Variants in RASGEF1A observed in about 807,000 individuals in gnomAD.
RASGEF1A encodes ras-GEF domain-containing family member 1A.
A neutral mutation model predicts 56.4 loss-of-function variants in RASGEF1A; 18 were observed. That is an observed-to-expected ratio of 0.32 (90% CI 0.22 to 0.47). The LOEUF is 0.47. Ranked by LOEUF, RASGEF1A falls within the 20% of genes least tolerant of loss-of-function variation. The probability of loss-of-function intolerance (pLI) is 1.00; values close to 1 mark genes in which losing one functional copy is unlikely to be tolerated. For missense variants in RASGEF1A, 422 were observed against 627.1 expected, an observed-to-expected ratio of 0.67 and a Z score of 3.49; for synonymous variants, 245 against 242.6, an observed-to-expected ratio of 1.01 and a Z score of -0.09.
At chr10:43,247,459 A>C (rs1475792171) in intron 1 of RASGEF1A, among the ~76,000 whole-genome samples, 4 of 152,238 alleles carry the variant, frequency 2.6e-5, no homozygotes, top group African/African-American at 9.6e-5. Flanking sequence ...CTTGTGCACA[A>C]ATGTTCACAG....
rs11238497 is a variant in RASGEF1A, at chr10:43,266,937, G to A, written c.-99C>T. On this transcript the variant is annotated 5_prime_UTR_variant, in exon 1 of 13. Coordinates refer to ENST00000395810, the MANE Select transcript of RASGEF1A (RefSeq NM_145313.4). ...CCGGCGCCGGCGGCGGCTCATGCTC[G>A]GCGCCCGGGCCCGCGGCACCCGCCC... 2 of 145,686 alleles carry A rather than the reference G, an allele frequency of 1.4e-5. No individual in the cohort carries two copies. The highest frequency in any genetic ancestry group is 3.0e-5 in the Non-Finnish European group (2 of 65,616). The allele number at this position is 145,686 out of a possible 1,614,324, so 9.0% of individuals were successfully genotyped here.
intron 1 of RASGEF1A, among the ~76,000 whole-genome samples, chr10:43,261,113 C>T (rs1418880548): frequency 2.0e-5 from 3 of 152,176 alleles, no homozygotes; most frequent in Admixed American, 1.3e-4. Context: ...CCCTCGGCCC[C>T]GCCCCCTCTG....
At chr10:43,234,745 T>C (rs1355195059) in intron 1 of RASGEF1A, among the ~76,000 whole-genome samples, 1 of 152,210 alleles carries the variant, frequency 6.6e-6, no homozygotes. Flanking sequence ...CTCCAGGGCA[T>C]GAAGTGGGGC....
intron 1 of RASGEF1A, among the ~76,000 whole-genome samples, chr10:43,250,793 C>G: frequency 6.6e-6 from 1 of 152,226 alleles, no homozygotes; most frequent in East Asian, 1.9e-4. Flanking sequence ...CCACCTGTCA[C>G]CTGGTCAATG....
intron 1 of RASGEF1A, chr10:43,208,577 A>G: frequency 1.0e-6 from 1 of 985,650 alleles, no homozygotes; most frequent in Non-Finnish European, 1.2e-6. Flanking sequence ...TTGGGGAGTC[A>G]GCAGAGCCTG....
At chr10:43,231,816 G>T (rs571868871) in intron 1 of RASGEF1A, among the ~76,000 whole-genome samples, 3 of 152,392 alleles carry the variant, frequency 2.0e-5, no homozygotes, top group Admixed American at 2.0e-4. Flanking sequence ...CTGGGGCTGA[G>T]GCTGTCCTGC....
intron 6 of RASGEF1A, 84 bp from the exon 7 acceptor site, chr10:43,199,852 C>T: frequency 8.7e-7 from 1 of 1,144,364 alleles, no homozygotes; most frequent in Non-Finnish European, 1.3e-6. Flanking sequence ...TGGTCCCCAG[C>T]TATGGCTCAG....
chr10:43,265,936 C>T (rs556897335), intron 1 of RASGEF1A, among the ~76,000 whole-genome samples: 74 of 152,354 alleles, frequency 4.9e-4, no homozygotes, highest in African/African-American at 1.7e-3. Flanking sequence ...GCCCTTCCTG[C>T]GCAGGACAGT....
chr10:43,261,335 AGAG>A (rs1325372524), intron 1 of RASGEF1A, among the ~76,000 whole-genome samples: 1 of 152,202 alleles, frequency 6.6e-6, no homozygotes, highest in Non-Finnish European at 1.5e-5. Flanking sequence ...CACCTAGGCC[AGAG>A]GAGGAAGGGG....
intron 1 of RASGEF1A, among the ~76,000 whole-genome samples, chr10:43,233,109 A>C (rs1840392629): frequency 6.8e-6 from 1 of 146,668 alleles, no homozygotes; most frequent in African/African-American, 2.5e-5. Flanking sequence ...CCTCTGCCCC[A>C]GCATTGTCCT....
chr10:43,229,597 C>T lies in RASGEF1A; in HGVS notation c.-6-23475G>A. 2.0e-6 allele frequency: 3 copies of T among 1,464,334 alleles called. No individual in the cohort carries two copies. The South Asian group carries it at 3.8e-5, about 18-fold the overall frequency. The allele number at this position is 1,464,334 out of a possible 1,614,324, so 90.7% of individuals were successfully genotyped here. ...TCCCGAGCCCGACAGCGCAAGAACCCTGCCCCGCGGCCTTGCGCCTGGGCC... is the reference window on the plus strand; with the variant it reads ...TCCCGAGCCCGACAGCGCAAGAACCTTGCCCCGCGGCCTTGCGCCTGGGCC... On this transcript the variant is annotated intron_variant, in intron 1 of 12. Coordinates refer to ENST00000395810, the MANE Select transcript of RASGEF1A (RefSeq NM_145313.4).
At chr10:43,258,329 G>C (rs1836463314) in intron 1 of RASGEF1A, among the ~76,000 whole-genome samples, 1 of 152,238 alleles carries the variant, frequency 6.6e-6, no homozygotes, top group Non-Finnish European at 1.5e-5. Context: ...CTCTCAGGAG[G>C]CTGAGGTGAG....
chr10:43,213,700 C>T (rs1320469852), intron 1 of RASGEF1A, among the ~76,000 whole-genome samples: 6 of 152,188 alleles, frequency 3.9e-5, no homozygotes, highest in Non-Finnish European at 8.8e-5. Flanking sequence ...GATCTTGGCT[C>T]ACTGCAACCT....
intron 1 of RASGEF1A, among the ~76,000 whole-genome samples, chr10:43,229,235 G>A (rs996468189): frequency 6.6e-6 from 1 of 152,130 alleles, no homozygotes; most frequent in African/African-American, 2.4e-5. Flanking sequence ...GCGCGCCCGC[G>A]CTTCCGCAGC....
chr10:43,252,977 AC>A (rs1840644142), intron 1 of RASGEF1A, among the ~76,000 whole-genome samples: 1 of 151,990 alleles, frequency 6.6e-6, no homozygotes, highest in African/African-American at 2.4e-5. Flanking sequence ...AGAGCACCGC[AC>A]CCCACGCCTT....
At chr10:43,253,309 G>C (rs755050052) in intron 1 of RASGEF1A, among the ~76,000 whole-genome samples, 1 of 152,238 alleles carries the variant, frequency 6.6e-6, no homozygotes, top group African/African-American at 2.4e-5. Context: ...TCCCCGGGGA[G>C]GGCTGCCTTG....
chr10:43,215,125 C>T (rs1840118280), intron 1 of RASGEF1A, among the ~76,000 whole-genome samples: 1 of 152,174 alleles, frequency 6.6e-6, no homozygotes, highest in Admixed American at 6.5e-5. Context: ...CGATGAGCTC[C>T]CAGAAGCTCA....
intron 1 of RASGEF1A, chr10:43,206,606 A>G: frequency 1.0e-6 from 1 of 992,604 alleles, no homozygotes; most frequent in Non-Finnish European, 1.2e-6. Flanking sequence ...CTGAGGACTC[A>G]GGGCCGGACA....
intron 1 of RASGEF1A, among the ~76,000 whole-genome samples, chr10:43,231,310 T>G (rs77964237): frequency 0.018 from 2,683 of 152,334 alleles, 76 homozygotes; most frequent in African/African-American, 0.061. Context: ...CCTGGTGTCT[T>G]GCCCCTGGGG....
Sources: gnomAD v4.1 joint callset for allele counts (sites outside exome capture counted in the v4.1 genomes callset) on GRCh38, gnomAD v4.1.1 for gene constraint, MANE v1.5 for transcripts, NCBI Gene and HGNC (gene_info 2026-07-23, HGNC 2026-07-21) for gene names.